Variants in OTULINL observed in about 807,000 individuals in gnomAD.
The protein encoded by OTULINL is inactive ubiquitin thioesterase OTULINL.
In OTULINL, 42 loss-of-function variants were observed where a neutral mutation model predicts 43.9. The ratio of observed to expected loss-of-function variants is 0.96; its 90% confidence interval spans 0.75 to 1.24. The LOEUF (loss-of-function observed/expected upper bound fraction) is 1.24, where lower values mean the gene tolerates loss of function less well. Ranked by LOEUF, OTULINL falls within the 50% of genes most tolerant of loss-of-function variation. The pLI, the probability that OTULINL is intolerant of heterozygous loss-of-function variation, is 0.00. For synonymous variants in OTULINL, 172 were observed against 153.6 expected, an observed-to-expected ratio of 1.12 and a Z score of -0.88; for missense variants, 411 against 426.4, an observed-to-expected ratio of 0.96 and a Z score of 0.32.
chr5:14,582,311 C>G (rs939717239), intron 1 of OTULINL, among the ~76,000 whole-genome samples: 2 of 151,758 alleles, frequency 1.3e-5, no homozygotes, highest in African/African-American at 4.8e-5. Context: ...CAGGCAGCGG[C>G]GGAGGTCGCG....
intron 1 of OTULINL, among the ~76,000 whole-genome samples, chr5:14,600,503 A>G (rs1273756845): frequency 1.3e-5 from 2 of 152,322 alleles, no homozygotes; most frequent in South Asian, 2.1e-4. Flanking sequence ...ATGGGATCCA[A>G]TTCAGATATT....
intron 5 of OTULINL, among the ~76,000 whole-genome samples, chr5:14,602,932 A>T (rs73046729): frequency 0.012 from 1,805 of 152,306 alleles, 31 homozygotes; most frequent in African/African-American, 0.041. Flanking sequence ...GAGTTTTAAT[A>T]AATGCATAGT....
chr5:14,599,027 G>A (rs946290893), intron 1 of OTULINL, among the ~76,000 whole-genome samples: 3 of 152,146 alleles, frequency 2.0e-5, no homozygotes, highest in African/African-American at 4.8e-5. Context: ...AATTATAGAT[G>A]TAAAAGGCAA....
At position 14,613,833 on chromosome 5, in the gene OTULINL, G is replaced by C. The variant is rs959457848; in HGVS notation, c.*3519G>C. On this transcript the variant is annotated 3_prime_UTR_variant, in exon 8 of 8. Coordinates refer to ENST00000274217, the MANE Select transcript of OTULINL (RefSeq NM_019018.3). ...ATGAGAGAAGAGCAGCCAGGATCAG[G>C]GGGCATTAACGTTAATTTTCCCAGG... Among the ~76,000 whole-genome samples the C allele has an allele frequency of 6.6e-6, 1 of 152,164 alleles. No homozygotes were observed. Among genetic ancestry groups the C allele is most frequent in the African/African-American group, 2.4e-5 (1 of 41,438 alleles).
intron 7 of OTULINL, among the ~76,000 whole-genome samples, chr5:14,609,732 G>A (rs1759545042): frequency 6.7e-6 from 1 of 150,126 alleles, no homozygotes; most frequent in Non-Finnish European, 1.5e-5. Flanking sequence ...CCGGGTTCAC[G>A]CCATTCTCCT....
At chr5:14,592,291 A>G (rs946043301) in intron 1 of OTULINL, among the ~76,000 whole-genome samples, 10 of 152,232 alleles carry the variant, frequency 6.6e-5, no homozygotes, top group African/African-American at 2.4e-4. Flanking sequence ...TTGAGAAAAC[A>G]GGAGCTGTCT....
At chr5:14,599,402 C>T (rs1759345522) in intron 1 of OTULINL, among the ~76,000 whole-genome samples, 1 of 151,804 alleles carries the variant, frequency 6.6e-6, no homozygotes, top group African/African-American at 2.4e-5. Context: ...ACAGGAGAAG[C>T]ACTTGAACCC....
Position 14,603,369 on chromosome 5 carries a change from T to C in OTULINL, c.498+1037T>C, listed in dbSNP as rs538769288. On this transcript the variant is annotated intron_variant, in intron 5 of 7. Transcript: ENST00000274217. ...GGAGTGAGACTGCCTGCTTGTATGC[T>C]AGGTGCATGTTTAACTTCATAAGAA... Among the ~76,000 whole-genome samples the C allele has an allele frequency of 4.5e-4, 68 of 152,364 alleles. No homozygotes were observed. The Middle Eastern group carries it at 0.01, about 23-fold the overall frequency.
In OTULINL at chr5:14,615,692, A is replaced by G. The variant is rs1759662523; in HGVS notation, c.*5378A>G. On this transcript the variant is annotated 3_prime_UTR_variant, in exon 8 of 8. Coordinates refer to ENST00000274217, the MANE Select transcript of OTULINL (RefSeq NM_019018.3). ...TAGATAAACATTAAAAGGAAGACTC[A>G]GCCCCAGAGTATATTTGATCTATTG... Among the ~76,000 whole-genome samples, 1 of 152,240 alleles carries G rather than the reference A, an allele frequency of 6.6e-6. No homozygotes were observed.
Position 14,602,262 on chromosome 5 carries a change from C to G in OTULINL, c.428C>G (p.Ser143Ter), listed in dbSNP as rs116207901. The G allele has an allele frequency of 8.1e-6, 13 of 1,613,584 alleles. No individual in the cohort carries two copies. The highest frequency in any genetic ancestry group is 1.1e-5 in the Non-Finnish European group (13 of 1,179,724). ...VRRDNYDALRSVLFQIFSQGI... is the reference protein window; with the variant it reads ...VRRDNYDALR ...AGAGATAACTATGATGCTCTCAGATCAGTGTTATTTCAGATATTCAGCCAG... is the reference window on the plus strand; with the variant it reads ...AGAGATAACTATGATGCTCTCAGATGAGTGTTATTTCAGATATTCAGCCAG... The change falls in exon 5 of 8, where the codon TCA becomes TGA. Residue 143 changes from serine (S) to a stop codon, truncating the protein, a stop_gained. Transcript: ENST00000274217. LOFTEE classifies it high-confidence loss of function.
At chr5:14,603,688 CT>C (rs1234929072) in intron 5 of OTULINL, among the ~76,000 whole-genome samples, 3 of 151,614 alleles carry the variant, frequency 2.0e-5, no homozygotes, top group Admixed American at 2.0e-4. Flanking sequence ...ATTATTGAGT[CT>C]TGAGAGTTCT....
chr5:14,607,230 G>C (rs1351332825), intron 5 of OTULINL, 100 bp from the exon 6 acceptor site: 3 of 1,079,540 alleles, frequency 2.8e-6, no homozygotes. Flanking sequence ...ATTCCATCTC[G>C]AAAAAAAAAA....
Position 14,600,290 on chromosome 5 carries a change from A to G in OTULINL, c.65-675A>G, listed in dbSNP as rs953079907. On this transcript the variant is annotated intron_variant, in intron 1 of 7. Coordinates refer to ENST00000274217, the MANE Select transcript of OTULINL (RefSeq NM_019018.3). ...TGCTTCCCCTTCTGCCATGATTGTA[A>G]GTTTCCTGAGACATCCTCAGCCATG... Among the ~76,000 whole-genome samples, 7 of 152,316 alleles carry G rather than the reference A, an allele frequency of 4.6e-5. No individual in the cohort carries two copies. In the South Asian group the frequency reaches 6.2e-4, roughly 14 times the overall value.
At chr5:14,610,071 C>T in intron 7 of OTULINL, 70 bp from the exon 8 acceptor site, 3 of 1,354,266 alleles carry the variant, frequency 2.2e-6, no homozygotes, top group South Asian at 2.5e-5. Flanking sequence ...AGGAACACTT[C>T]CCCCCACCGT....
In OTULINL at chr5:14,612,855, T is replaced by TACATAATA. The variant is rs1759604987; in HGVS notation, c.*2541_*2542insACATAATA. On this transcript the variant is annotated 3_prime_UTR_variant, in exon 8 of 8. Transcript: ENST00000274217. ...GGCCTTACGTGTCCATACTGAGGGG[T>TACATAATA]TGTATGCATATTAGTACAAGGCTGA... 6.6e-6 allele frequency: 1 copy of TACATAATA among 151,422 alleles called. No homozygotes were observed. The highest frequency in any genetic ancestry group is 1.5e-5 in the Non-Finnish European group (1 of 67,900). The allele number at this position is 151,422 out of a possible 1,614,324, so 9.4% of individuals were successfully genotyped here.
rs1390148423 is a variant in OTULINL, at chr5:14,608,902, AAAAG to A, written c.783_786del (p.Lys262SerfsTer19). On this transcript the variant is annotated frameshift_variant, in exon 7 of 8. Transcript: ENST00000274217. LOFTEE classifies it high-confidence loss of function. The stretch of plus-strand genomic sequence containing the variant: ...GAAGTTTATGAACAAATGAAGACTA[AAAAG>A]GTCATTCCCAGTCTTTTTAGACTCC... 6.2e-7 allele frequency: 1 copy of A among 1,614,200 alleles called. No homozygotes were observed. The highest frequency in any genetic ancestry group is 1.1e-5 in the South Asian group (1 of 91,088).
chr5:14,591,318 T>C (rs7705408), intron 1 of OTULINL, among the ~76,000 whole-genome samples: 1,775 of 152,326 alleles, frequency 0.012, 35 homozygotes, highest in African/African-American at 0.04. Flanking sequence ...ATTAAAAATA[T>C]ATTTTTCTAA....
intron 5 of OTULINL, among the ~76,000 whole-genome samples, chr5:14,602,783 C>A (rs915246761): frequency 3.3e-5 from 5 of 152,194 alleles, no homozygotes; most frequent in African/African-American, 1.2e-4. Context: ...TCTCTCATGT[C>A]AGTTGCAAAT....
intron 5 of OTULINL, among the ~76,000 whole-genome samples, chr5:14,603,666 G>GT (rs147559808): frequency 0.089 from 13,367 of 150,938 alleles, 610 homozygotes; most frequent in Non-Finnish European, 0.1. Flanking sequence ...CATTTTTTAT[G>GT]TTTTTTTTTA....
Sources: gnomAD v4.1 joint callset for allele counts (sites outside exome capture counted in the v4.1 genomes callset) on GRCh38, gnomAD v4.1.1 for gene constraint, MANE v1.5 for transcripts, NCBI Gene and HGNC (gene_info 2026-07-23, HGNC 2026-07-21) for gene names.